Variants in CDH18 observed in about 807,000 individuals in gnomAD.
CDH18 encodes cadherin 18.
CDH18 carries 31 observed loss-of-function variants against 67.9 expected under a neutral mutation model. That is an observed-to-expected ratio of 0.46 (90% CI 0.34 to 0.62). CDH18 has a LOEUF of 0.62. Ranked by LOEUF, CDH18 falls within the 20% of genes least tolerant of loss-of-function variation. The pLI is 0.01. For synonymous variants in CDH18, 362 were observed against 347.2 expected (o/e 1.04, Z -0.48); for missense variants, 890 against 975.5 (o/e 0.91, Z 1.17).
chr5:20,049,755 T>C (rs1013382292), intron 2 of CDH18, among the ~76,000 whole-genome samples: 1 of 151,600 alleles, frequency 6.6e-6, no homozygotes, highest in Non-Finnish European at 1.5e-5. Context: ...CCAGAAAGGA[T>C]AGAAATGTTG....
upstream of CDH18, among the ~76,000 whole-genome samples, chr5:19,990,589 G>T (rs918360345): frequency 1.3e-5 from 2 of 152,076 alleles, no homozygotes; most frequent in East Asian, 3.9e-4. Flanking sequence ...TATCTATGAA[G>T]CCACACTCTT....
chr5:19,912,924 T>C (rs560166616), intron 2 of CDH18, among the ~76,000 whole-genome samples: 1 of 152,254 alleles, frequency 6.6e-6, no homozygotes, highest in African/African-American at 2.4e-5. Context: ...CTCAAGTGTC[T>C]TGAATGCCAG....
intron 2 of CDH18, among the ~76,000 whole-genome samples, chr5:20,045,950 A>G (rs1332434520): frequency 6.6e-6 from 1 of 152,064 alleles, no homozygotes; most frequent in Non-Finnish European, 1.5e-5. Flanking sequence ...TGCCCAGCCT[A>G]TGGTAGTTTG....
chr5:19,940,449 C>T (rs1365979373), intron 2 of CDH18, among the ~76,000 whole-genome samples: 1 of 148,156 alleles, frequency 6.7e-6, no homozygotes, highest in Non-Finnish European at 1.5e-5. Flanking sequence ...AGCCAGACTG[C>T]TATTTCAAAA....
At chr5:19,643,048 AAAG>A (rs1754249859) in intron 5 of CDH18, among the ~76,000 whole-genome samples, 1 of 152,144 alleles carries the variant, frequency 6.6e-6, no homozygotes, top group Non-Finnish European at 1.5e-5. Context: ...ACATTTCTCA[AAAG>A]AAGAGAAATT....
At chr5:20,368,127 A>T (rs1161843081) in intron 1 of CDH18, among the ~76,000 whole-genome samples, 1 of 152,220 alleles carries the variant, frequency 6.6e-6, no homozygotes, top group Non-Finnish European at 1.5e-5. Flanking sequence ...TCATTATAGC[A>T]AATATTGAAA....
intron 3 of CDH18, among the ~76,000 whole-genome samples, chr5:19,756,527 C>T (rs1347947071): frequency 6.6e-6 from 1 of 152,178 alleles, no homozygotes; most frequent in Non-Finnish European, 1.5e-5. Context: ...AATGATAATA[C>T]TAAGAGACGC....
intron 1 of CDH18, among the ~76,000 whole-genome samples, chr5:20,284,710 A>C (rs1390148709): frequency 6.6e-6 from 1 of 151,996 alleles, no homozygotes; most frequent in African/African-American, 2.4e-5. Context: ...CTAATTTAGC[A>C]AGGGAATTCT....
chr5:20,193,917 T>C (rs1436873099), intron 2 of CDH18, among the ~76,000 whole-genome samples: 2 of 151,984 alleles, frequency 1.3e-5, no homozygotes, highest in Non-Finnish European at 2.9e-5. Flanking sequence ...TGTTAAAAAC[T>C]CTCAATAAAG....
At chr5:19,756,896 G>A (rs1046147237) in intron 3 of CDH18, among the ~76,000 whole-genome samples, 4 of 152,120 alleles carry the variant, frequency 2.6e-5, no homozygotes, top group African/African-American at 9.7e-5. Flanking sequence ...ATGAATCTTC[G>A]CTATGGGAGA....
At chr5:20,428,273 A>T (rs964120265) in intron 1 of CDH18, among the ~76,000 whole-genome samples, 1 of 146,296 alleles carries the variant, frequency 6.8e-6, no homozygotes. Flanking sequence ...AAGGACATGA[A>T]CTCATTCTTT....
At chr5:20,243,572 G>C (rs2940452) in intron 2 of CDH18, among the ~76,000 whole-genome samples, 100,327 of 151,534 alleles carry the variant, frequency 0.66, 33,291 homozygotes, top group Middle Eastern at 0.76. Flanking sequence ...TTATCATCTA[G>C]CTCGCTGTGA....
intron 2 of CDH18, among the ~76,000 whole-genome samples, chr5:19,960,685 A>G (rs961864314): frequency 1.8e-4 from 24 of 133,954 alleles, no homozygotes; most frequent in African/African-American, 8.6e-4. Context: ...ATATGTATAC[A>G]TATACACGTG....
intron 1 of CDH18, among the ~76,000 whole-genome samples, chr5:20,486,144 T>A (rs1753159324): frequency 6.6e-6 from 1 of 152,166 alleles, no homozygotes; most frequent in Non-Finnish European, 1.5e-5. Context: ...GTTCTAATTG[T>A]AAATGTGAAT....
chr5:19,760,410 C>T (rs1414413073), intron 3 of CDH18, among the ~76,000 whole-genome samples: 1 of 152,156 alleles, frequency 6.6e-6, no homozygotes, highest in Admixed American at 6.5e-5. Context: ...TGGATCTCTT[C>T]CTCTACAACC....
At chr5:20,043,859 C>T (rs1389738626) in intron 2 of CDH18, among the ~76,000 whole-genome samples, 2 of 151,960 alleles carry the variant, frequency 1.3e-5, no homozygotes, top group Non-Finnish European at 2.9e-5. Context: ...ATATCTATGC[C>T]CTTTAATGTT....
intron 1 of CDH18, among the ~76,000 whole-genome samples, chr5:20,315,159 A>G (rs1201448218): frequency 6.6e-6 from 1 of 152,066 alleles, no homozygotes; most frequent in Non-Finnish European, 1.5e-5. Context: ...TCTGTTAAAG[A>G]CACTACCATC....
At chr5:20,224,178 G>A (rs1013922106) in intron 2 of CDH18, among the ~76,000 whole-genome samples, 4 of 152,022 alleles carry the variant, frequency 2.6e-5, no homozygotes, top group African/African-American at 4.8e-5. Flanking sequence ...TATTTTGAAC[G>A]TATAAAATTA....
chr5:19,724,747 T>C (rs758515227), intron 4 of CDH18, among the ~76,000 whole-genome samples: 5 of 152,164 alleles, frequency 3.3e-5, no homozygotes, highest in Non-Finnish European at 7.3e-5. Context: ...CTTGCCTCTG[T>C]GCTACTCCAT....
Sources: allele counts gnomAD v4.1 joint callset (sites outside exome capture counted in the v4.1 genomes callset), GRCh38; gene constraint gnomAD v4.1.1; transcripts MANE v1.5; gene names NCBI Gene and HGNC (gene_info 2026-07-23, HGNC 2026-07-21).